SORCS2: variants seen among roughly 807,000 people sequenced by gnomAD.
The protein encoded by SORCS2 is sortilin related VPS10 domain containing receptor 2.
A neutral mutation model predicts 141.6 loss-of-function variants in SORCS2; 100 were observed. That is an observed-to-expected ratio of 0.71 (90% CI 0.60 to 0.83). The LOEUF (loss-of-function observed/expected upper bound fraction) is 0.83, where lower values mean the gene tolerates loss of function less well. Among genes scored for constraint, SORCS2 ranks in the 40% least tolerant of loss-of-function variants. SORCS2 has a pLI of 0.00. For missense variants in SORCS2, 1,646 were observed against 1,560.2 expected, an observed-to-expected ratio of 1.05 and a Z score of -0.93; for synonymous variants, 789 against 676.9, an observed-to-expected ratio of 1.17 and a Z score of -2.57.
At chr4:7,331,742 G>T (rs774824312) in intron 1 of SORCS2, among the ~76,000 whole-genome samples, 3 of 152,214 alleles carry the variant, frequency 2.0e-5, no homozygotes, top group African/African-American at 7.2e-5. Flanking sequence ...GGTGGCTGAC[G>T]AAGCGGGTCT....
intron 1 of SORCS2, among the ~76,000 whole-genome samples, chr4:7,227,953 G>A (rs1263710792): frequency 6.6e-6 from 1 of 152,176 alleles, no homozygotes; most frequent in East Asian, 1.9e-4. Flanking sequence ...CCAGCTGTGA[G>A]GCAGGGGGTG....
At chr4:7,377,831 A>C (rs1722756024) in intron 1 of SORCS2, among the ~76,000 whole-genome samples, 1 of 152,196 alleles carries the variant, frequency 6.6e-6, no homozygotes, top group South Asian at 2.1e-4. Context: ...GGCAGAATTC[A>C]GCCATATGTT....
chr4:7,273,933 T>C (rs916394312), intron 1 of SORCS2, among the ~76,000 whole-genome samples: 1 of 152,218 alleles, frequency 6.6e-6, no homozygotes, highest in Non-Finnish European at 1.5e-5. Flanking sequence ...ATGCTGGGGC[T>C]CTGACATGGA....
chr4:7,199,772 G>A (rs1167406321), intron 1 of SORCS2, among the ~76,000 whole-genome samples: 2 of 152,060 alleles, frequency 1.3e-5, no homozygotes, highest in African/African-American at 4.8e-5. Context: ...GATCCCCCAT[G>A]TTCTGTCCTC....
chr4:7,734,828 T>G (rs977792004), intron 25 of SORCS2, among the ~76,000 whole-genome samples: 4 of 152,010 alleles, frequency 2.6e-5, no homozygotes, highest in African/African-American at 9.7e-5. Context: ...TTCCCTCCCC[T>G]CGAGAGCACT....
intron 1 of SORCS2, among the ~76,000 whole-genome samples, chr4:7,217,582 C>T (rs1036499403): frequency 2.0e-5 from 3 of 152,164 alleles, no homozygotes; most frequent in Non-Finnish European, 4.4e-5. Flanking sequence ...CAAATATTTA[C>T]TGAGCATCTA....
rs1437928444 is a variant in SORCS2, at chr4:7,300,077, C to T, written c.481-96211C>T. ...AATCAGGACGAGAGAGGATGGCGCGCCCTCCGCCTGCTGAGGACCGGGAGG... is the reference window on the plus strand; with the variant it reads ...AATCAGGACGAGAGAGGATGGCGCGTCCTCCGCCTGCTGAGGACCGGGAGG... On this transcript the variant is annotated intron_variant, in intron 1 of 26. Coordinates refer to ENST00000507866, the MANE Select transcript of SORCS2 (RefSeq NM_020777.3). 3.3e-5 allele frequency among the ~76,000 whole-genome samples: 5 copies of T among 152,180 alleles called. No individual in the cohort carries two copies. In the East Asian group the frequency reaches 9.6e-4, roughly 29 times the overall value.
At chr4:7,224,785 C>G (rs1728903501) in intron 1 of SORCS2, among the ~76,000 whole-genome samples, 1 of 152,228 alleles carries the variant, frequency 6.6e-6, no homozygotes, top group Non-Finnish European at 1.5e-5. Context: ...ACCTCCCACT[C>G]CCTCCGATCC....
chr4:7,301,769 G>A (rs1029503046), intron 1 of SORCS2, among the ~76,000 whole-genome samples: 2 of 152,214 alleles, frequency 1.3e-5, no homozygotes, highest in African/African-American at 4.8e-5. Flanking sequence ...CATGAGCTGC[G>A]CTGGCCTCCC....
rs187383987 is a variant in SORCS2, at chr4:7,508,630, G to A, written c.549-22900G>A. Among the ~76,000 whole-genome samples the A allele has an allele frequency of 1.5e-3, 227 of 152,188 alleles. 1 individual carries two copies. The highest frequency in any genetic ancestry group is 5.1e-3 in the African/African-American group (211 of 41,518). ...TGGGATTACAGGCACGAGCCACCGC[G>A]CCTGGACTCAGACTCTTTATACTTA... On this transcript the variant is annotated intron_variant, in intron 2 of 26. Coordinates refer to ENST00000507866, the MANE Select transcript of SORCS2 (RefSeq NM_020777.3).
At chr4:7,261,668 C>G (rs992840436) in intron 1 of SORCS2, among the ~76,000 whole-genome samples, 1 of 152,212 alleles carries the variant, frequency 6.6e-6, no homozygotes, top group African/African-American at 2.4e-5. Context: ...TCAATTACAG[C>G]AGATCGGGAA....
At chr4:7,508,001 C>CTGTA (rs1732379689) in intron 2 of SORCS2, among the ~76,000 whole-genome samples, 1 of 151,406 alleles carries the variant, frequency 6.6e-6, no homozygotes, top group African/African-American at 2.4e-5. Flanking sequence ...GGCAAAAACA[C>CTGTA]TACAAAAATC....
intron 2 of SORCS2, among the ~76,000 whole-genome samples, chr4:7,449,586 C>T (rs1432566621): frequency 1.3e-5 from 2 of 151,560 alleles, no homozygotes; most frequent in African/African-American, 2.4e-5. Context: ...TCAGGATGCA[C>T]CTGGCCCTTG....
intron 1 of SORCS2, among the ~76,000 whole-genome samples, chr4:7,282,283 C>A (rs1417164350): frequency 6.6e-6 from 1 of 152,190 alleles, no homozygotes; most frequent in Non-Finnish European, 1.5e-5. Flanking sequence ...TCAAGGACTT[C>A]TTTGAAGGTT....
chr4:7,483,056 C>G (rs554812680), intron 2 of SORCS2, among the ~76,000 whole-genome samples: 1 of 152,244 alleles, frequency 6.6e-6, no homozygotes, highest in Admixed American at 6.5e-5. Flanking sequence ...CGCGGTGGCT[C>G]GTGCCTGTAA....
intron 1 of SORCS2, among the ~76,000 whole-genome samples, chr4:7,387,923 C>T (rs1318797115): frequency 1.4e-5 from 1 of 71,190 alleles, no homozygotes; most frequent in Non-Finnish European, 2.7e-5. Flanking sequence ...TGCACACACC[C>T]ACATGCACAC....
intron 1 of SORCS2, among the ~76,000 whole-genome samples, chr4:7,224,505 G>T (rs1310165745): frequency 1.3e-5 from 2 of 152,212 alleles, no homozygotes; most frequent in Non-Finnish European, 2.9e-5. Context: ...TGCTGCTTCT[G>T]CCCACACCTG....
At chr4:7,437,173 G>A (rs1276510797) in intron 2 of SORCS2, among the ~76,000 whole-genome samples, 3 of 152,166 alleles carry the variant, frequency 2.0e-5, no homozygotes, top group African/African-American at 7.2e-5. Context: ...TCACAGGTCC[G>A]AGGTTGGCAC....
chr4:7,716,807 T>G (rs4689835), intron 17 of SORCS2, among the ~76,000 whole-genome samples: 119,724 of 152,248 alleles, frequency 0.79, 48,230 homozygotes, highest in East Asian at 0.87. Flanking sequence ...TTGTCTGAAG[T>G]GTCAGAGCCA....
Sources: allele counts gnomAD v4.1 joint callset (sites outside exome capture counted in the v4.1 genomes callset), GRCh38; gene constraint gnomAD v4.1.1; transcripts MANE v1.5; gene names NCBI Gene and HGNC (gene_info 2026-07-23, HGNC 2026-07-21).